Variants in HDGFL2 observed in about 807,000 individuals in gnomAD.
HDGFL2 encodes hepatoma-derived growth factor-related protein 2.
A neutral mutation model predicts 77.1 loss-of-function variants in HDGFL2; 36 were observed. The ratio of observed to expected loss-of-function variants is 0.47; its 90% CI spans 0.36 to 0.62. The LOEUF is 0.62. HDGFL2 is among the 20% of genes least tolerant of loss of function. HDGFL2 has a pLI of 0.00. For synonymous variants in HDGFL2, 463 were observed against 413.1 expected (o/e 1.12, Z -1.46); for missense variants, 976 against 973.4 (o/e 1.00, Z -0.04).
At chr19:4,499,216 C>G (rs1490110005) in intron 13 of HDGFL2, among the ~76,000 whole-genome samples, 1 of 152,140 alleles carries the variant, frequency 6.6e-6, no homozygotes, top group Non-Finnish European at 1.5e-5. Context: ...TGTGGTGGCG[C>G]ACGCCTGTAA....
chr19:4,492,336 G>A (rs1011815447), intron 6 of HDGFL2, among the ~76,000 whole-genome samples: 13 of 121,118 alleles, frequency 1.1e-4, no homozygotes, highest in Admixed American at 3.5e-4. Context: ...TGCACATGTC[G>A]TGCCTGTGTG....
At chr19:4,501,513 C>G (rs1372635939) in intron 15 of HDGFL2, 196 bp downstream of exon 15, 8 of 591,730 alleles carry the variant, frequency 1.4e-5, no homozygotes, top group Non-Finnish European at 1.9e-5. Context: ...TACAGAGAGG[C>G]AGCTCCAGGG....
chr19:4,490,606 G>A (rs1403847484), intron 4 of HDGFL2, among the ~76,000 whole-genome samples: 1 of 152,192 alleles, frequency 6.6e-6, no homozygotes, highest in Non-Finnish European at 1.5e-5. Context: ...CTATTTGGGT[G>A]TAGAAACAAA....
At chr19:4,486,525 C>CAA (rs570362970) in intron 3 of HDGFL2, 20 of 114,338 alleles carry the variant, frequency 1.7e-4, no homozygotes, top group South Asian at 5.6e-4. Flanking sequence ...AATTCCATCT[C>CAA]AAAAAAAAAA....
chr19:4,492,373 G>A (rs2145194943), intron 6 of HDGFL2, among the ~76,000 whole-genome samples: 1 of 151,756 alleles, frequency 6.6e-6, no homozygotes, highest in East Asian at 1.9e-4. Context: ...GTGTCCCTGT[G>A]CCTGTATGCC....
At chr19:4,498,479 G>A in intron 12 of HDGFL2, 103 bp downstream of exon 12, 2 of 921,242 alleles carry the variant, frequency 2.2e-6, no homozygotes, top group Non-Finnish European at 1.7e-6. Flanking sequence ...GGGTCCTGCA[G>A]TTGGGTGGGC....
At chr19:4,480,933 T>G (rs1975196416) in intron 3 of HDGFL2, among the ~76,000 whole-genome samples, 1 of 147,724 alleles carries the variant, frequency 6.8e-6, no homozygotes, top group South Asian at 2.4e-4. Context: ...CTTGGCTCAC[T>G]GCAACCTCCA....
chr19:4,482,833 A>T (rs1389960644), intron 3 of HDGFL2, among the ~76,000 whole-genome samples: 1 of 152,134 alleles, frequency 6.6e-6, no homozygotes, highest in Non-Finnish European at 1.5e-5. Flanking sequence ...TAAGTCCTAT[A>T]ACTGCCGGTG....
Position 4,501,795 on chromosome 19 carries a change from CGA to C in HDGFL2, c.1917-114_1917-113del. On this transcript the variant is annotated intron_variant, in intron 15 of 15. Transcript: ENST00000616600. Reference sequence around the variant, plus strand: ...GACAGGCAGATAGGAGGGCGGCACTCGAGCCTCAGGTGCCACAACGGGGGTAC... The same window carrying C: ...GACAGGCAGATAGGAGGGCGGCACTCGCCTCAGGTGCCACAACGGGGGTAC... The C allele has an allele frequency of 4.3e-6, 3 of 705,022 alleles. No individual in the cohort carries two copies. The South Asian group carries it at 7.1e-5, about 17-fold the overall frequency. 43.7% of individuals were successfully genotyped at this position (705,022 alleles called of 1,614,324 possible).
At chr19:4,498,512 G>T in intron 12 of HDGFL2, 136 bp downstream of exon 12, 2 of 718,780 alleles carry the variant, frequency 2.8e-6, no homozygotes, top group South Asian at 1.6e-5. Flanking sequence ...CCGGTTGCTA[G>T]TGAGCGCATG....
intron 10 of HDGFL2, chr19:4,497,200 G>GT (rs59161002): frequency 0.011 from 4,637 of 427,752 alleles, 175 homozygotes; most frequent in African/African-American, 0.086. Context: ...TTTTGTTTTT[G>GT]TTTTTTTTTG....
intron 4 of HDGFL2, among the ~76,000 whole-genome samples, chr19:4,489,638 A>G (rs951620340): frequency 6.6e-6 from 1 of 151,164 alleles, no homozygotes; most frequent in African/African-American, 2.4e-5. Context: ...TCCTGACCTC[A>G]TGATCCGCCC....
intron 1 of HDGFL2, among the ~76,000 whole-genome samples, chr19:4,473,352 G>A (rs918773828): frequency 7.9e-5 from 12 of 151,490 alleles, no homozygotes; most frequent in Non-Finnish European, 1.8e-4. Context: ...CTGGCCCAGA[G>A]GGAGCCACGC....
intron 13 of HDGFL2, 43 bp from the exon 14 acceptor site, chr19:4,499,447 GC>G: frequency 6.3e-7 from 1 of 1,579,972 alleles, no homozygotes; most frequent in South Asian, 1.1e-5. Context: ...CGGGGCTAGG[GC>G]CGCTGCACTT....
chr19:4,498,132 G>A, intron 11 of HDGFL2, 101 bp downstream of exon 11: 2 of 1,250,352 alleles, frequency 1.6e-6, no homozygotes, highest in Non-Finnish European at 2.3e-6. Context: ...TAGAGAGGGT[G>A]CTCAGCACAT....
intron 10 of HDGFL2, chr19:4,497,729 A>G: frequency 1.8e-6 from 1 of 555,058 alleles, no homozygotes; most frequent in Non-Finnish European, 3.2e-6. Flanking sequence ...ATTTCATGAG[A>G]ACTCGGGAAA....
rs1599718962 is a variant in HDGFL2 at position 4,493,830 on chromosome 19, C to G, written c.806C>G (p.Ser269Cys). Residue 269 changes from serine (S) to cysteine (C), a missense_variant, in exon 7 of 16, where the codon TCT becomes TGT. This residue lies in a region of HDGFL2 where 567 missense variants were observed against 534.7 expected (regional missense o/e 1.06). Transcript: ENST00000616600. ...TCCTCCTCCTCCGACTCCGATGTGT[C>G]TGTGAAGAAGCCTCCGAGGGGCAGG... is the stretch of plus-strand genomic sequence containing the variant. Reference protein sequence around the residue: ...SSSSSSDSDVSVKKPPRGRKP... With the variant: ...SSSSSSDSDVCVKKPPRGRKP... 6.5e-7 allele frequency: 1 copy of G among 1,528,510 alleles called. No homozygotes were observed. The highest frequency in any genetic ancestry group is 2.1e-5 in the Admixed American group (1 of 48,256). 94.7% of individuals were successfully genotyped at this position (1,528,510 alleles called of 1,614,324 possible). A position where few individuals can be genotyped will look rare whatever the true frequency, so the allele number is the denominator to read the frequency against.
In HDGFL2 at chr19:4,501,915, G is replaced by A. The variant is rs1295616854; in HGVS notation, c.1921G>A (p.Val641Ile). ...CGCCTTTGCTGTTCCCACCAGCAGCGTACGGGAGGGTCCCGACCTGGACAG... is the reference window on the plus strand; with the variant it reads ...CGCCTTTGCTGTTCCCACCAGCAGCATACGGGAGGGTCCCGACCTGGACAG... ...CGSSEDLHDS[V>I]REGPDLDRPG... The change falls in exon 16 of 16, where the codon GTA becomes ATA. Residue 641 changes from valine to isoleucine, a missense_variant. This residue lies in a region of HDGFL2 where 229 missense variants were observed against 187.3 expected (regional missense o/e 1.22). Coordinates refer to ENST00000616600, the MANE Select transcript of HDGFL2 (RefSeq NM_001001520.3). 23 of 1,465,446 alleles carry A rather than the reference G, an allele frequency of 1.6e-5. No individual in the cohort carries two copies. The highest frequency in any genetic ancestry group is 5.1e-5 in the East Asian group (2 of 39,288). 90.8% of individuals were successfully genotyped at this position (1,465,446 alleles called of 1,614,324 possible).
At position 4,487,720 on chromosome 19, in the gene HDGFL2, G is replaced by A. The variant is rs533423748; in HGVS notation, c.289-956G>A. Among the ~76,000 whole-genome samples, 13 of 152,258 alleles carry A rather than the reference G, an allele frequency of 8.5e-5. No individual in the cohort carries two copies. In the South Asian group the frequency reaches 1.0e-3, roughly 12 times the overall value. ...TCACTTCTGTGTTCTTGATGCCCCC[G>A]GCCCAGTGCCCGACACTCATGACTG... On this transcript the variant is annotated intron_variant, in intron 3 of 15. Transcript: ENST00000616600.
Sources: gnomAD v4.1 joint callset for allele counts (sites outside exome capture counted in the v4.1 genomes callset) on GRCh38, gnomAD v4.1.1 for gene constraint, gnomAD v4.1.1 regional missense constraint, MANE v1.5 for transcripts, NCBI Gene and HGNC (gene_info 2026-07-23, HGNC 2026-07-21) for gene names.